MRM3: variants seen among roughly 807,000 people sequenced by gnomAD.
The protein encoded by MRM3 is mitochondrial rRNA methyltransferase 3, also known as rRNA methyltransferase 3, mitochondrial.
Under a neutral mutation model 29.4 loss-of-function variants are expected in MRM3, and 26 were observed. That is an observed-to-expected ratio of 0.89 (90% CI 0.65 to 1.23). MRM3 has a LOEUF of 1.23. MRM3 is among the 50% of genes most tolerant of loss of function. The pLI, the probability that MRM3 is intolerant of heterozygous loss-of-function variation, is 0.00. For missense variants in MRM3, 578 were observed against 540.2 expected, an observed-to-expected ratio of 1.07 and a Z score of -0.69; for synonymous variants, 225 against 219.0, an observed-to-expected ratio of 1.03 and a Z score of -0.24.
intron 2 of MRM3, among the ~76,000 whole-genome samples, chr17:786,569 C>CT (rs1910544982): frequency 6.6e-6 from 1 of 152,130 alleles, no homozygotes; most frequent in Non-Finnish European, 1.5e-5. Flanking sequence ...GCTACCGTGC[C>CT]TGGCCTAATT....
rs1910613674 is a variant in MRM3 at position 787,912 on chromosome 17, A to G, written c.560-53A>G. On this transcript the variant is annotated intron_variant, in intron 2 of 3. Coordinates refer to ENST00000304478, the MANE Select transcript of MRM3 (RefSeq NM_018146.4). This position sits in a 1 kb window ranked among gnomAD's most constrained non-coding sequence, Gnocchi z 4.1. Reference sequence around the variant, plus strand: ...GATTGATAAGTAAATGAAAAGTCAGACTATTCCCCGTGCCCACACCAGGCA... The same window carrying G: ...GATTGATAAGTAAATGAAAAGTCAGGCTATTCCCCGTGCCCACACCAGGCA... 1.9e-6 allele frequency: 3 copies of G among 1,541,816 alleles called. No individual in the cohort carries two copies. The highest frequency in any genetic ancestry group is 4.5e-5 in the East Asian group (2 of 44,554).
At position 783,286 on chromosome 17, in the gene MRM3, T is replaced by C; in HGVS notation, c.518T>C (p.Ile173Thr). The change falls in exon 2 of 4, where the codon ATC becomes ACC. Residue 173 changes from isoleucine to threonine, a missense_variant. By Grantham distance (89) the Ile-to-Thr change is moderately conservative. Transcript: ENST00000304478. ...VSLIKVKFED[I>T]KDWSDLVTPQ... Reference sequence around the variant, plus strand: ...CTCATTAAGGTGAAATTTGAGGATATCAAGGATTGGTCCGACCTCGTAACG... The same window carrying C: ...CTCATTAAGGTGAAATTTGAGGATACCAAGGATTGGTCCGACCTCGTAACG... The C allele has an allele frequency of 1.9e-6, 3 of 1,613,712 alleles. No homozygotes were observed. Among genetic ancestry groups the C allele is most frequent in the Middle Eastern group, 1.7e-4 (1 of 6,056 alleles).
Position 783,192 on chromosome 17 carries a change from A to C in MRM3, c.424A>C (p.Lys142Gln). 2 of 1,614,180 alleles carry C rather than the reference A, an allele frequency of 1.2e-6. No homozygotes were observed. The highest frequency in any genetic ancestry group is 1.7e-6 in the Non-Finnish European group (2 of 1,180,038). Residue 142 changes from lysine (K) to glutamine (Q), a missense_variant, in exon 2 of 4, where the codon AAA becomes CAA. By Grantham distance (53) the Lys-to-Gln change is moderately conservative. Coordinates refer to ENST00000304478, the MANE Select transcript of MRM3 (RefSeq NM_018146.4). ...CGCTCTCAAGGCTGGAGCTGTGCCAAAAATGTTCTTCTTTAGCCGTCTAGA... is the reference window on the plus strand; with the variant it reads ...CGCTCTCAAGGCTGGAGCTGTGCCACAAATGTTCTTCTTTAGCCGTCTAGA... ...SDALKAGAVP[K>Q]MFFFSRLEYL...
At chr17:791,323 G>A (rs951040318) in intron 3 of MRM3, among the ~76,000 whole-genome samples, 2 of 152,138 alleles carry the variant, frequency 1.3e-5, no homozygotes, top group African/African-American at 2.4e-5. Flanking sequence ...ATGTTGAAGG[G>A]ATGCATAAAA....
rs373136858 is a variant in MRM3 at position 783,283 on chromosome 17, A to T, written c.515A>T (p.Asp172Val). ...GVSLIKVKFEDIKDWSDLVTP... is the reference protein window; with the variant it reads ...GVSLIKVKFEVIKDWSDLVTP... ...AGCCTCATTAAGGTGAAATTTGAGG[A>T]TATCAAGGATTGGTCCGACCTCGTA... Residue 172 changes from aspartate to valine, a missense_variant, in exon 2 of 4, where the codon GAT (aspartate) becomes GTT (valine). Coordinates refer to ENST00000304478, the MANE Select transcript of MRM3 (RefSeq NM_018146.4). 6.2e-7 allele frequency: 1 copy of T among 1,613,592 alleles called. No individual in the cohort carries two copies. The highest frequency in any genetic ancestry group is 8.5e-7 in the Non-Finnish European group (1 of 1,179,796).
chr17:788,171 G>A (rs774954172), intron 3 of MRM3, 39 bp downstream of exon 3: 8 of 1,606,702 alleles, frequency 5.0e-6, no homozygotes, highest in Middle Eastern at 3.3e-4. Context: ...GCTCACACTC[G>A]TAATCCAGCC....
Position 791,919 on chromosome 17 carries a change from G to C in MRM3, c.1113G>C (p.Glu371Asp). Residue 371 changes from glutamate to aspartate, a missense_variant, in exon 4 of 4, where the codon GAG becomes GAC. Glu to Asp is a conservative substitution (Grantham distance 45, BLOSUM62 2). Coordinates refer to ENST00000304478, the MANE Select transcript of MRM3 (RefSeq NM_018146.4). ...GVSLESLQLA[E>D]STGGKRLLIP... ...GCCTGGAGTCCCTGCAGCTGGCCGA[G>C]AGCACTGGTGGCAAGAGGCTGCTGA... The C allele has an allele frequency of 6.2e-7, 1 of 1,614,002 alleles. No homozygotes were observed. Among genetic ancestry groups the C allele is most frequent in the Non-Finnish European group, 8.5e-7 (1 of 1,180,034 alleles).
intron 3 of MRM3, chr17:790,133 C>G (rs887652042): frequency 5.3e-5 from 8 of 152,264 alleles, no homozygotes; most frequent in African/African-American, 1.9e-4. Context: ...AGAAGACTTG[C>G]GCTAACAAGC....
Position 792,471 on chromosome 17 carries a change from G to C in MRM3, c.*402G>C, listed in dbSNP as rs894293855. The C allele has an allele frequency of 5.5e-6, 1 of 181,762 alleles. No homozygotes were observed. The highest frequency in any genetic ancestry group is 2.4e-5 in the African/African-American group (1 of 42,262). The allele number at this position is 181,762 out of a possible 1,614,324, so 11.3% of individuals were successfully genotyped here. ...GCCACATCACTCACAGCTGATCACT[G>C]GTTGGTGGAAAATAAACTATGAGCA... On this transcript the variant is annotated 3_prime_UTR_variant, in exon 4 of 4. Coordinates refer to ENST00000304478, the MANE Select transcript of MRM3 (RefSeq NM_018146.4).
At chr17:791,035 C>T (rs1330219814) in intron 3 of MRM3, among the ~76,000 whole-genome samples, 1 of 152,208 alleles carries the variant, frequency 6.6e-6, no homozygotes, top group Non-Finnish European at 1.5e-5. Flanking sequence ...GCTCACCATG[C>T]TTGCAGTCCT....
rs1301624298 is a variant in MRM3, at chr17:782,628, C to A, written c.250C>A (p.Pro84Thr). The stretch of plus-strand genomic sequence containing the variant: ...GCTCGAGGAGTCCGCATCCCGCGCT[C>A]CCAGCACCTGGGAAGAGTCTGGGCT... ...QPLEESASRA[P>T]STWEESGLRY... is the part of the protein sequence containing the mutation. The change falls in exon 1 of 4, where the codon CCC becomes ACC. Residue 84 changes from proline (P) to threonine (T), a missense_variant. Pro to Thr is a conservative substitution (Grantham distance 38). Transcript: ENST00000304478. 1.2e-6 allele frequency: 2 copies of A among 1,613,736 alleles called. No individual in the cohort carries two copies. Among genetic ancestry groups the A allele is most frequent in the Non-Finnish European group, 1.7e-6 (2 of 1,179,904 alleles).
rs765315687 is a variant in MRM3, at chr17:783,113, A to G, written c.345A>G (p.Pro115=). 3.8e-5 allele frequency: 61 copies of G among 1,613,266 alleles called. No individual in the cohort carries two copies. The Admixed American group carries it at 1.0e-3, about 26-fold the overall frequency. ...SSVMTIVKSR[P]FREKQGKILL... is the part of the protein sequence containing the mutation. Reference sequence around the variant, plus strand: ...TAATGACAATAGTAAAGTCCAGGCCATTTCGGGAAAAACAAGGGAAGATCC... The same window carrying G: ...TAATGACAATAGTAAAGTCCAGGCCGTTTCGGGAAAAACAAGGGAAGATCC... Residue 115 remains proline, a synonymous_variant, in exon 2 of 4, where the codon CCA becomes CCG. Transcript: ENST00000304478.
Position 792,256 on chromosome 17 carries a change from C to A in MRM3, c.*187C>A. The A allele has an allele frequency of 3.5e-6, 2 of 579,170 alleles. No individual in the cohort carries two copies. Among genetic ancestry groups the A allele is most frequent in the Non-Finnish European group, 5.8e-6 (2 of 346,254 alleles). The allele number at this position is 579,170 out of a possible 1,614,324, so 35.9% of individuals were successfully genotyped here. A position where few individuals can be genotyped will look rare whatever the true frequency, so the allele number is the denominator to read the frequency against. On this transcript the variant is annotated 3_prime_UTR_variant, in exon 4 of 4. Transcript: ENST00000304478. ...CAGGTCCGAATTCTTCCTGTCGCGT[C>A]ACTGATTTTGAGGTTCTTTTTTCTC...
In MRM3 at chr17:791,961, T is replaced by G; in HGVS notation, c.1155T>G (p.Gly385=). ...GGCTGCTGATCCCCGTTGTGCCTGG[T>G]GTGGACAGCCTCAACTCGGCCATGG... ...GKRLLIPVVP[G]VDSLNSAMAA... The change falls in exon 4 of 4, where the codon GGT becomes GGG. Residue 385 remains glycine (G), a synonymous_variant. Transcript: ENST00000304478. The G allele has an allele frequency of 6.2e-7, 1 of 1,614,024 alleles. No individual in the cohort carries two copies. The highest frequency in any genetic ancestry group is 2.2e-5 in the East Asian group (1 of 44,880).
In MRM3 at chr17:783,153, AG is replaced by A; in HGVS notation, c.387del (p.Arg129SerfsTer21). On this transcript the variant is annotated frameshift_variant, in exon 2 of 4. Coordinates refer to ENST00000304478, the MANE Select transcript of MRM3 (RefSeq NM_018146.4). LOFTEE classifies it high-confidence loss of function. The stretch of plus-strand genomic sequence containing the variant: ...AGGGAAGATCCTGCTGGAAGGTCGC[AG>A]GCTCATTTCAGACGCTCTCAAGGCT... ...KQGKILLEGRRLISDALKAGA... is the reference protein window; with the variant it reads ...KQGKILLEGRXLISDALKAGA... The A allele has an allele frequency of 6.2e-7, 1 of 1,614,104 alleles. No individual in the cohort carries two copies. Among genetic ancestry groups the A allele is most frequent in the Non-Finnish European group, 8.5e-7 (1 of 1,180,008 alleles).
At chr17:789,705 G>A (rs902867186) in intron 3 of MRM3, 2 of 152,224 alleles carry the variant, frequency 1.3e-5, no homozygotes, top group African/African-American at 4.8e-5. Context: ...TCTGTGATCA[G>A]TACCCGCTTA....
Position 782,371 on chromosome 17 carries a change from C to T in MRM3, c.-8C>T, listed in dbSNP as rs755687783. The stretch of plus-strand genomic sequence containing the variant: ...CGCTTTCGTGACGCAGCCCGGGTCT[C>T]AGGGAACATGGCGGCGCTGGTGAGA... On this transcript the variant is annotated 5_prime_UTR_variant, in exon 1 of 4. Coordinates refer to ENST00000304478, the MANE Select transcript of MRM3 (RefSeq NM_018146.4). 1.9e-6 allele frequency: 3 copies of T among 1,613,482 alleles called. No homozygotes were observed. Among genetic ancestry groups the T allele is most frequent in the South Asian group, 2.2e-5 (2 of 91,054 alleles).
At chr17:783,499 G>C (rs1337442462) in intron 2 of MRM3, 172 bp downstream of exon 2, 1 of 583,316 alleles carries the variant, frequency 1.7e-6, no homozygotes, top group African/African-American at 1.9e-5. Context: ...ACCATGCCCG[G>C]GTGATTTTTG....
chr17:790,769 T>C (rs9915249), intron 3 of MRM3, among the ~76,000 whole-genome samples: 2 of 60,418 alleles, frequency 3.3e-5, no homozygotes, highest in Non-Finnish European at 5.6e-5. Context: ...GCTGATTGGC[T>C]GGCTCACCTC....
Sources: gnomAD v4.1 joint callset for allele counts (sites outside exome capture counted in the v4.1 genomes callset) on GRCh38, gnomAD v4.1.1 for gene constraint, Gnocchi (gnomAD v3.1) non-coding constraint, MANE v1.5 for transcripts, NCBI Gene and HGNC (gene_info 2026-07-23, HGNC 2026-07-21) for gene names.